Variants in ROBO2 observed in about 807,000 individuals in gnomAD.
The protein encoded by ROBO2 is roundabout homolog 2.
In ROBO2, 53 loss-of-function variants were observed where a neutral mutation model predicts 160.8. That is an observed-to-expected ratio of 0.33 (90% CI 0.26 to 0.41). The LOEUF is 0.41. ROBO2 is among the 10% of genes least tolerant of loss of function. ROBO2 has a pLI of 1.00. For missense variants in ROBO2, 1,577 were observed against 1,722.4 expected, an observed-to-expected ratio of 0.92 and a Z score of 1.49; for synonymous variants, 664 against 611.7, an observed-to-expected ratio of 1.09 and a Z score of -1.26.
intron 2 of ROBO2, among the ~76,000 whole-genome samples, chr3:77,327,235 T>C (rs996019792): frequency 1.3e-5 from 2 of 152,308 alleles, no homozygotes; most frequent in Middle Eastern, 3.4e-3. Flanking sequence ...GGCAGTTCTA[T>C]GAGAATACTT....
upstream of ROBO2, among the ~76,000 whole-genome samples, chr3:77,036,391 G>A (rs1044650969): frequency 6.6e-6 from 1 of 151,952 alleles, no homozygotes; most frequent in Non-Finnish European, 1.5e-5. Context: ...ACGTTGAAAA[G>A]AGTAAAAAAG....
chr3:77,252,534 G>A (rs941379329), intron 2 of ROBO2, among the ~76,000 whole-genome samples: 5 of 151,706 alleles, frequency 3.3e-5, no homozygotes, highest in Admixed American at 1.3e-4. Context: ...AGAACCAGGC[G>A]CAGTGGCTCA....
chr3:76,780,132 C>A (rs760426550), intron 2 of ROBO2, among the ~76,000 whole-genome samples: 1 of 149,892 alleles, frequency 6.7e-6, no homozygotes, highest in African/African-American at 2.4e-5. Flanking sequence ...ATTTGCATTT[C>A]TCTGATGATT....
intron 2 of ROBO2, among the ~76,000 whole-genome samples, chr3:76,564,686 T>A (rs1396217286): frequency 6.6e-6 from 1 of 152,204 alleles, no homozygotes. Context: ...AACGACTAAT[T>A]CATCTTCCCA....
At chr3:77,200,469 A>C (rs1383622528) in intron 2 of ROBO2, among the ~76,000 whole-genome samples, 3 of 151,478 alleles carry the variant, frequency 2.0e-5, no homozygotes, top group Non-Finnish European at 2.9e-5. Flanking sequence ...AATTTCAAAA[A>C]TTAAATGGGT....
intron 5 of ROBO2, among the ~76,000 whole-genome samples, chr3:77,510,517 A>G (rs2089258838): frequency 6.6e-6 from 1 of 152,044 alleles, no homozygotes; most frequent in Admixed American, 6.6e-5. Context: ...GGAGACAATA[A>G]TATCACTGGA....
intron 2 of ROBO2, among the ~76,000 whole-genome samples, chr3:76,436,690 G>GA (rs1375500801): frequency 6.6e-6 from 1 of 151,548 alleles, no homozygotes; most frequent in Non-Finnish European, 1.5e-5. Context: ...AAAGAAAAAA[G>GA]AAAAAAAGAA....
chr3:77,156,324 A>G lies in ROBO2; in HGVS notation c.388+57984A>G, dbSNP rs750410339. 1.1e-4 allele frequency among the ~76,000 whole-genome samples: 16 copies of G among 152,166 alleles called. No individual in the cohort carries two copies. The East Asian group carries it at 1.5e-3, about 15-fold the overall frequency. ...TTTAGATCGTGTTAAACAATGTAAG[A>G]TTGTTTATTTATGCATATGAATCAT... On this transcript the variant is annotated intron_variant, in intron 2 of 25. Transcript: ENST00000461745.
Position 76,124,035 on chromosome 3 carries a change from C to T in ROBO2, c.109+186433C>T, listed in dbSNP as rs918918711. Among the ~76,000 whole-genome samples the T allele has an allele frequency of 5.1e-4, 78 of 151,906 alleles. 1 individual carries two copies. The highest frequency in any genetic ancestry group is 3.8e-3 in the Admixed American group (58 of 15,256). Reference sequence around the variant, plus strand: ...AGGAAAGTAATCACTAACTTCTTAACGAGGTTTATCTTAAAAATAATGAGT... The same window carrying T: ...AGGAAAGTAATCACTAACTTCTTAATGAGGTTTATCTTAAAAATAATGAGT... On this transcript the variant is annotated intron_variant, in intron 2 of 26. Coordinates refer to the ROBO2 transcript ENST00000487694.
At chr3:77,067,151 G>T (rs906022844) in intron 1 of ROBO2, among the ~76,000 whole-genome samples, 2 of 151,800 alleles carry the variant, frequency 1.3e-5, no homozygotes, top group Non-Finnish European at 2.9e-5. Context: ...TTGATTTTTC[G>T]TGACTGCATA....
chr3:75,926,713 A>C (rs112075758), intron 1 of ROBO2, among the ~76,000 whole-genome samples: 49 of 152,338 alleles, frequency 3.2e-4, no homozygotes, highest in African/African-American at 1.1e-3. Flanking sequence ...ATCAAATTGA[A>C]TTCAGCAAAA....
chr3:76,166,494 G>T (rs9310356), intron 2 of ROBO2, among the ~76,000 whole-genome samples: 130,869 of 152,128 alleles, frequency 0.86, 56,975 homozygotes, highest in East Asian at 0.98. Flanking sequence ...TTTCACAGCC[G>T]TTTTCTATTT....
At chr3:76,880,202 G>A (rs1464675838) in intron 2 of ROBO2, among the ~76,000 whole-genome samples, 1 of 151,968 alleles carries the variant, frequency 6.6e-6, no homozygotes, top group African/African-American at 2.4e-5. Flanking sequence ...ATTTGGCCTA[G>A]GAATACATTA....
chr3:77,600,745 G>T (rs2094414271), intron 19 of ROBO2, among the ~76,000 whole-genome samples: 1 of 152,082 alleles, frequency 6.6e-6, no homozygotes, highest in Non-Finnish European at 1.5e-5. Flanking sequence ...CATATTAAAA[G>T]TTTTTGAGAA....
chr3:76,139,066 T>C (rs2071536800), intron 2 of ROBO2, among the ~76,000 whole-genome samples: 1 of 152,186 alleles, frequency 6.6e-6, no homozygotes, highest in African/African-American at 2.4e-5. Context: ...CACTTAATCT[T>C]GTTAAATGTA....
intron 2 of ROBO2, among the ~76,000 whole-genome samples, chr3:76,192,571 C>T (rs1416251601): frequency 3.0e-5 from 4 of 132,962 alleles, no homozygotes; most frequent in South Asian, 5.0e-4. Context: ...CACACACACA[C>T]GTCATAAAAG....
At chr3:76,425,957 A>C (rs2076206007) in intron 2 of ROBO2, among the ~76,000 whole-genome samples, 1 of 152,148 alleles carries the variant, frequency 6.6e-6, no homozygotes, top group East Asian at 1.9e-4. Context: ...ATTTGGGAAA[A>C]ATTAAAACAC....
intron 6 of ROBO2, among the ~76,000 whole-genome samples, chr3:77,533,061 C>G (rs936175258): frequency 6.6e-6 from 1 of 152,110 alleles, no homozygotes; most frequent in Admixed American, 6.6e-5. Context: ...CTGGTTAGCT[C>G]TGAAGACTAG....
intron 2 of ROBO2, among the ~76,000 whole-genome samples, chr3:76,278,173 G>T (rs957564203): frequency 6.6e-6 from 1 of 151,838 alleles, no homozygotes; most frequent in African/African-American, 2.4e-5. Flanking sequence ...TGAAAACAGA[G>T]ACTGAAATCG....
Sources: allele counts gnomAD v4.1 joint callset (sites outside exome capture counted in the v4.1 genomes callset), GRCh38; gene constraint gnomAD v4.1.1; transcripts MANE v1.5; gene names NCBI Gene and HGNC (gene_info 2026-07-23, HGNC 2026-07-21).